SLC16A7: variants seen among roughly 807,000 people sequenced by gnomAD.
The protein encoded by SLC16A7 is solute carrier family 16 member 7.
In SLC16A7, 33 loss-of-function variants were observed where a neutral mutation model predicts 34.9. The ratio of observed to expected loss-of-function variants is 0.94; its 90% CI spans 0.72 to 1.26. The LOEUF (loss-of-function observed/expected upper bound fraction) is 1.26, where lower values mean the gene tolerates loss of function less well. SLC16A7 is among the 50% of genes most tolerant of loss of function. The probability of loss-of-function intolerance (pLI) is 0.00; values close to 1 mark genes in which losing one functional copy is unlikely to be tolerated. For missense variants in SLC16A7, 573 were observed against 578.1 expected (o/e 0.99, Z 0.09); for synonymous variants, 201 against 206.6 (o/e 0.97, Z 0.23).
At chr12:59,742,016 A>G (rs1188831506) in intron 3 of SLC16A7, among the ~76,000 whole-genome samples, 2 of 152,096 alleles carry the variant, frequency 1.3e-5, no homozygotes, top group African/African-American at 2.4e-5. Context: ...CTAGCGGGTG[A>G]TTTGGGGTGT....
intron 3 of SLC16A7, among the ~76,000 whole-genome samples, chr12:59,738,275 C>T (rs1423223022): frequency 6.6e-6 from 1 of 152,110 alleles, no homozygotes; most frequent in African/African-American, 2.4e-5. Context: ...TTATTTTATC[C>T]ATAAAATATG....
At chr12:59,672,999 G>A (rs1555167834) in intron 2 of SLC16A7, among the ~76,000 whole-genome samples, 1 of 152,072 alleles carries the variant, frequency 6.6e-6, no homozygotes, top group Non-Finnish European at 1.5e-5. Flanking sequence ...TATTTGACCT[G>A]AGCTTTAACA....
At chr12:59,611,293 A>T (rs551425175) in intron 1 of SLC16A7, among the ~76,000 whole-genome samples, 1 of 152,234 alleles carries the variant, frequency 6.6e-6, no homozygotes, top group African/African-American at 2.4e-5. Context: ...GTCCTTCTTC[A>T]CATGGCAGCA....
rs139874862 is a variant in SLC16A7, at chr12:59,729,197, G to A, written c.217+24179G>A. On this transcript the variant is annotated intron_variant, in intron 3 of 5. Coordinates refer to ENST00000547379, the MANE Select transcript of SLC16A7 (RefSeq NM_001270623.2). The stretch of plus-strand genomic sequence containing the variant: ...TTTTCCTTTTAGTCATTTATTCTTC[G>A]TATTAAGGTTACTGTTAAGGCCTAT... 3.3e-4 allele frequency among the ~76,000 whole-genome samples: 50 copies of A among 152,176 alleles called. No homozygotes were observed. The South Asian group carries it at 5.4e-3, about 16-fold the overall frequency.
intron 2 of SLC16A7, among the ~76,000 whole-genome samples, chr12:59,673,867 T>A (rs539434291): frequency 6.6e-6 from 1 of 152,242 alleles, no homozygotes; most frequent in South Asian, 2.1e-4. Flanking sequence ...ATCATCTCTC[T>A]TGAGAGGAAT....
chr12:59,670,414 AC>A (rs539873573), intron 2 of SLC16A7, among the ~76,000 whole-genome samples: 18 of 150,642 alleles, frequency 1.2e-4, no homozygotes, highest in African/African-American at 3.4e-4. Flanking sequence ...CTTCCAATCC[AC>A]CCCCCCCACC....
chr12:59,704,889 A>G lies in SLC16A7; in HGVS notation c.88A>G (p.Ile30Val). ...WIVVGAAFIS[I>V]GFSYAFPKAV... Reference sequence around the variant, plus strand: ...TGTGGTTGGAGCAGCTTTTATCTCCATTGGATTTTCCTATGCATTCCCCAA... The same window carrying G: ...TGTGGTTGGAGCAGCTTTTATCTCCGTTGGATTTTCCTATGCATTCCCCAA... Residue 30 changes from isoleucine (I) to valine (V), a missense_variant, in exon 3 of 6, where the codon ATT becomes GTT. By Grantham distance (29) the Ile-to-Val change is conservative. Transcript: ENST00000547379. The G allele has an allele frequency of 1.2e-6, 2 of 1,613,884 alleles. No individual in the cohort carries two copies. The highest frequency in any genetic ancestry group is 1.3e-5 in the African/African-American group (1 of 75,028).
intron 3 of SLC16A7, among the ~76,000 whole-genome samples, chr12:59,765,492 C>A (rs1881504028): frequency 6.6e-6 from 1 of 152,076 alleles, no homozygotes; most frequent in Non-Finnish European, 1.5e-5. Flanking sequence ...TTTAATATAT[C>A]TTGAATTAAT....
intron 3 of SLC16A7, among the ~76,000 whole-genome samples, chr12:59,752,017 C>T (rs574703533): frequency 8.5e-5 from 13 of 152,318 alleles, no homozygotes; most frequent in Non-Finnish European, 1.6e-4. Flanking sequence ...GGACCTCTAG[C>T]AAACTCCAAC....
intron 1 of SLC16A7, among the ~76,000 whole-genome samples, chr12:59,617,575 C>T (rs1025344537): frequency 6.6e-6 from 1 of 151,920 alleles, no homozygotes; most frequent in Non-Finnish European, 1.5e-5. Context: ...AAACATGTGA[C>T]CTGATCTCAG....
At chr12:59,762,265 T>G (rs10877333) in intron 3 of SLC16A7, among the ~76,000 whole-genome samples, 22,723 of 152,118 alleles carry the variant, frequency 0.15, 2,000 homozygotes, top group Non-Finnish European at 0.19. Context: ...GCCTTTCTTT[T>G]TATACACTCT....
At chr12:59,659,031 G>A (rs1868686746) in intron 2 of SLC16A7, among the ~76,000 whole-genome samples, 1 of 152,016 alleles carries the variant, frequency 6.6e-6, no homozygotes, top group South Asian at 2.1e-4. Context: ...GCTTTATGAT[G>A]TGACAGCAGA....
Position 59,735,896 on chromosome 12 carries a change from C to T in SLC16A7, c.217+30878C>T, listed in dbSNP as rs918456003. 17 of 1,192,920 alleles carry T rather than the reference C, an allele frequency of 1.4e-5. No homozygotes were observed. In the East Asian group the frequency reaches 9.4e-4, roughly 66 times the overall value. The allele number at this position is 1,192,920 out of a possible 1,614,324, so 73.9% of individuals were successfully genotyped here. A position where few individuals can be genotyped will look rare whatever the true frequency, so the allele number is the denominator to read the frequency against. On this transcript the variant is annotated intron_variant, in intron 3 of 5. Coordinates refer to ENST00000547379, the MANE Select transcript of SLC16A7 (RefSeq NM_001270623.2). ...AATAAAACTAACCTTTCAAATGGCC[C>T]CTAACAGATATAAATTCTCTATGAC...
At chr12:59,725,299 A>G (rs920754346) in intron 3 of SLC16A7, among the ~76,000 whole-genome samples, 3 of 152,194 alleles carry the variant, frequency 2.0e-5, no homozygotes, top group Admixed American at 2.0e-4. Flanking sequence ...TTACAAAGTG[A>G]GGGAAACTTT....
chr12:59,704,018 A>T (rs984803527), intron 2 of SLC16A7, among the ~76,000 whole-genome samples: 2 of 151,728 alleles, frequency 1.3e-5, no homozygotes, highest in Non-Finnish European at 2.9e-5. Context: ...CTTGGCCAAC[A>T]TGACGAAACC....
chr12:59,677,972 G>T (rs772917725), intron 2 of SLC16A7, among the ~76,000 whole-genome samples: 1 of 152,166 alleles, frequency 6.6e-6, no homozygotes, highest in Non-Finnish European at 1.5e-5. Flanking sequence ...CCACCCGCTT[G>T]CCCTGGCAGG....
intron 3 of SLC16A7, among the ~76,000 whole-genome samples, chr12:59,753,937 T>C (rs1233301125): frequency 6.6e-6 from 1 of 152,028 alleles, no homozygotes; most frequent in Non-Finnish European, 1.5e-5. Flanking sequence ...AAACTAGAAC[T>C]CAGGATTAAG....
At chr12:59,601,704 A>G (rs1878692594) in intron 1 of SLC16A7, among the ~76,000 whole-genome samples, 1 of 152,172 alleles carries the variant, frequency 6.6e-6, no homozygotes, top group African/African-American at 2.4e-5. Context: ...GAGGCTGGAA[A>G]TCTGAGATCA....
intron 3 of SLC16A7, among the ~76,000 whole-genome samples, chr12:59,761,452 G>A (rs1456370770): frequency 1.3e-5 from 2 of 152,026 alleles, no homozygotes; most frequent in Non-Finnish European, 2.9e-5. Flanking sequence ...AGAAAACAGT[G>A]ATTTACCATA....
Sources: gnomAD v4.1 joint callset for allele counts (sites outside exome capture counted in the v4.1 genomes callset) on GRCh38, gnomAD v4.1.1 for gene constraint, MANE v1.5 for transcripts, NCBI Gene and HGNC (gene_info 2026-07-23, HGNC 2026-07-21) for gene names.